The following LRRC28 variants were observed in gnomAD, a reference collection of about 807,000 sequenced individuals.
LRRC28 encodes the protein leucine rich repeat containing 28.
Under a neutral mutation model 45.7 loss-of-function variants are expected in LRRC28, and 39 were observed. The ratio of observed to expected loss-of-function variants is 0.85; its 90% CI spans 0.66 to 1.12. LRRC28 has a LOEUF of 1.12. Ranked by LOEUF, LRRC28 falls within the 50% of genes most tolerant of loss-of-function variation. The pLI, the probability that LRRC28 is intolerant of heterozygous loss-of-function variation, is 0.00. For missense variants in LRRC28, 435 were observed against 438.5 expected (o/e 0.99, Z 0.07); for synonymous variants, 206 against 178.8 (o/e 1.15, Z -1.22).
At chr15:99,373,971 A>G (rs761767552) in intron 9 of LRRC28, among the ~76,000 whole-genome samples, 1 of 152,214 alleles carries the variant, frequency 6.6e-6, no homozygotes, top group Non-Finnish European at 1.5e-5. Context: ...TCTCTTAGTC[A>G]ATAGCAAACT....
chr15:99,326,176 T>A (rs1955969944), intron 5 of LRRC28, among the ~76,000 whole-genome samples: 1 of 152,116 alleles, frequency 6.6e-6, no homozygotes. Flanking sequence ...CATTACCCAG[T>A]TCATAAAATA....
chr15:99,362,289 G>A (rs1462907947), intron 8 of LRRC28, among the ~76,000 whole-genome samples: 1 of 152,200 alleles, frequency 6.6e-6, no homozygotes, highest in Non-Finnish European at 1.5e-5. Context: ...GAAAATTATA[G>A]TTGTTCACCA....
At chr15:99,353,048 G>A (rs1265196182) in intron 7 of LRRC28, among the ~76,000 whole-genome samples, 3 of 152,194 alleles carry the variant, frequency 2.0e-5, no homozygotes, top group Non-Finnish European at 4.4e-5. Flanking sequence ...TTTCAGAGCA[G>A]CAATAATCTT....
At chr15:99,378,518 C>G (rs1468846535) in intron 9 of LRRC28, among the ~76,000 whole-genome samples, 3 of 152,228 alleles carry the variant, frequency 2.0e-5, no homozygotes, top group Admixed American at 1.3e-4. Flanking sequence ...TTTCCTAATT[C>G]AGTACCCTTT....
At chr15:99,352,528 T>C (rs1956918218) in intron 7 of LRRC28, 57 bp downstream of exon 7, 20 of 1,382,582 alleles carry the variant, frequency 1.4e-5, no homozygotes, top group Non-Finnish European at 1.9e-5. Flanking sequence ...TTGGTACTTC[T>C]GTTCAATTTT....
intron 5 of LRRC28, among the ~76,000 whole-genome samples, chr15:99,328,980 G>A (rs1204872735): frequency 6.6e-6 from 1 of 151,844 alleles, no homozygotes; most frequent in Non-Finnish European, 1.5e-5. Context: ...TCTCATACAT[G>A]AACTGATTCC....
chr15:99,329,898 G>T (rs1054837888), intron 5 of LRRC28, among the ~76,000 whole-genome samples: 10 of 151,990 alleles, frequency 6.6e-5, no homozygotes, highest in African/African-American at 2.4e-4. Flanking sequence ...TATGAATATG[G>T]TTTTTCTGCT....
intron 6 of LRRC28, among the ~76,000 whole-genome samples, chr15:99,347,683 G>A (rs1956738909): frequency 6.6e-6 from 1 of 151,998 alleles, no homozygotes; most frequent in African/African-American, 2.4e-5. Context: ...TTCATCAATG[G>A]GCATTTACAT....
intron 7 of LRRC28, among the ~76,000 whole-genome samples, chr15:99,356,926 A>G (rs901990201): frequency 6.6e-6 from 1 of 152,246 alleles, no homozygotes; most frequent in Non-Finnish European, 1.5e-5. Flanking sequence ...ACTCAGAATT[A>G]TATAAATACA....
At chr15:99,363,292 G>T (rs199659127) in intron 9 of LRRC28, 27 bp downstream of exon 9, 27 of 1,610,682 alleles carry the variant, frequency 1.7e-5, no homozygotes, top group Admixed American at 5.0e-5. Flanking sequence ...GGGCACCAGG[G>T]TTTACACCCA....
Position 99,389,225 on chromosome 15 carries a change from G to T in LRRC28, c.*3123G>T, listed in dbSNP as rs1054093368. 1 of 152,122 alleles carries T rather than the reference G, an allele frequency of 6.6e-6. No homozygotes were observed. Among genetic ancestry groups the T allele is most frequent in the Non-Finnish European group, 1.5e-5 (1 of 68,028 alleles). 9.4% of individuals were successfully genotyped at this position (152,122 alleles called of 1,614,324 possible). ...AGACCTTTCACATTCCAGCTTGTCC[G>T]ACTAGTGTAATGTACCTCTCACTTC... On this transcript the variant is annotated 3_prime_UTR_variant, in exon 10 of 10. Coordinates refer to ENST00000301981, the MANE Select transcript of LRRC28 (RefSeq NM_144598.5).
At chr15:99,285,339 T>C (rs2152204046) in intron 3 of LRRC28, 1 of 741,974 alleles carries the variant, frequency 1.3e-6, no homozygotes, top group Non-Finnish European at 2.5e-6. Flanking sequence ...ACAACTCTTC[T>C]GTCCACCTTG....
intron 6 of LRRC28, among the ~76,000 whole-genome samples, chr15:99,346,129 G>A (rs1162881411): frequency 6.6e-6 from 1 of 152,056 alleles, no homozygotes; most frequent in African/African-American, 2.4e-5. Flanking sequence ...CTCTAGACAT[G>A]GGCCACAATG....
chr15:99,326,712 T>A (rs1955989795), intron 5 of LRRC28: 1 of 152,198 alleles, frequency 6.6e-6, no homozygotes, highest in Non-Finnish European at 1.5e-5. Context: ...TCCCACCTTT[T>A]AAAAAAATGT....
At chr15:99,275,108 G>T (rs1015109083) in intron 2 of LRRC28, among the ~76,000 whole-genome samples, 2 of 139,230 alleles carry the variant, frequency 1.4e-5, no homozygotes, top group African/African-American at 4.9e-5. Flanking sequence ...GAGAGAAAGA[G>T]AGAGAGATAT....
rs563812367 is a variant in LRRC28, at chr15:99,381,564, G to A, written c.1032-4466G>A. Among the ~76,000 whole-genome samples, 252 of 152,282 alleles carry A rather than the reference G, an allele frequency of 1.7e-3. 4 individuals carry two copies. In the South Asian group the frequency reaches 0.022, roughly 13 times the overall value. ...GTCATTCTCCATCCAGCTTTGTTCC[G>A]TTGCTGGCGAGGAGCTGTGTTCCTT... On this transcript the variant is annotated intron_variant, in intron 9 of 9. Coordinates refer to ENST00000301981, the MANE Select transcript of LRRC28 (RefSeq NM_144598.5).
chr15:99,265,111 G>T (rs569576615), intron 2 of LRRC28, among the ~76,000 whole-genome samples: 62 of 152,290 alleles, frequency 4.1e-4, no homozygotes, highest in Non-Finnish European at 7.1e-4. Flanking sequence ...AGATAGAATT[G>T]TTGGGTGTTA....
At chr15:99,295,223 G>A (rs1357920630) in intron 5 of LRRC28, among the ~76,000 whole-genome samples, 1 of 152,122 alleles carries the variant, frequency 6.6e-6, no homozygotes, top group Non-Finnish European at 1.5e-5. Flanking sequence ...TGTTTTTGTT[G>A]CTGTTGCTGC....
rs1342627994 is a variant in LRRC28, at chr15:99,312,975, C to G, written c.386-20948C>G. On this transcript the variant is annotated intron_variant, in intron 5 of 9. Transcript: ENST00000301981. Reference sequence around the variant, plus strand: ...TTAAATGTGAATGGTCTAAACACTACAATCAAAAGGAAGAGATTTTCCAAC... The same window carrying G: ...TTAAATGTGAATGGTCTAAACACTAGAATCAAAAGGAAGAGATTTTCCAAC... 3.3e-5 allele frequency among the ~76,000 whole-genome samples: 5 copies of G among 152,220 alleles called. No individual in the cohort carries two copies. The South Asian group carries it at 1.0e-3, about 32-fold the overall frequency.
Sources: gnomAD v4.1 joint callset for allele counts (sites outside exome capture counted in the v4.1 genomes callset) on GRCh38, gnomAD v4.1.1 for gene constraint, MANE v1.5 for transcripts, NCBI Gene and HGNC (gene_info 2026-07-23, HGNC 2026-07-21) for gene names.